Variants in FOXN3 observed in about 807,000 individuals in gnomAD.
FOXN3 encodes forkhead box protein N3.
FOXN3 carries 7 observed loss-of-function variants against 38.4 expected under a neutral mutation model. That is an observed-to-expected ratio of 0.18 (90% CI 0.10 to 0.34). FOXN3 has a LOEUF of 0.34. Ranked by LOEUF, FOXN3 falls within the 10% of genes least tolerant of loss-of-function variation. The pLI is 1.00. For missense variants in FOXN3, 456 were observed against 613.4 expected, an observed-to-expected ratio of 0.74 and a Z score of 2.71; for synonymous variants, 230 against 242.2, an observed-to-expected ratio of 0.95 and a Z score of 0.47.
At chr14:89,551,983 T>A (rs117520755) in intron 1 of FOXN3, among the ~76,000 whole-genome samples, 1 of 152,310 alleles carries the variant, frequency 6.6e-6, no homozygotes, top group Non-Finnish European at 1.5e-5. Flanking sequence ...ACTAGTCACC[T>A]AAGAAAAGGT....
chr14:89,292,109 C>T (rs542343280), intron 3 of FOXN3, among the ~76,000 whole-genome samples: 51 of 152,282 alleles, frequency 3.3e-4, no homozygotes, highest in South Asian at 1.2e-3. Flanking sequence ...CTTCCACCTC[C>T]GTTCGCTGGC....
chr14:89,579,621 A>C (rs1596323558), intron 1 of FOXN3, among the ~76,000 whole-genome samples: 1 of 151,654 alleles, frequency 6.6e-6, no homozygotes, highest in African/African-American at 2.4e-5. Context: ...CAACTCACCA[A>C]CCTCCAGCCA....
intron 1 of FOXN3, among the ~76,000 whole-genome samples, chr14:89,442,773 C>T (rs990792650): frequency 5.9e-5 from 9 of 151,626 alleles, no homozygotes; most frequent in Non-Finnish European, 1.0e-4. Context: ...GTATTTACTC[C>T]AACCAGCCAG....
intron 5 of FOXN3, among the ~76,000 whole-genome samples, chr14:89,178,046 C>T (rs935509501): frequency 1.3e-5 from 2 of 152,154 alleles, no homozygotes; most frequent in African/African-American, 4.8e-5. Context: ...CTCACTCTGT[C>T]ACCCAGGCTG....
intron 4 of FOXN3, among the ~76,000 whole-genome samples, chr14:89,200,277 C>T (rs1682203750): frequency 1.3e-5 from 2 of 152,204 alleles, no homozygotes; most frequent in Admixed American, 6.5e-5. Flanking sequence ...ATTCGGAATA[C>T]ATCTGTCCAA....
rs556597149 is a variant in FOXN3, at chr14:89,312,369, C to A, written c.681-31355G>T. On this transcript the variant is annotated intron_variant, in intron 3 of 5. Coordinates refer to ENST00000557258, the MANE Select transcript of FOXN3 (RefSeq NM_005197.4). Reference sequence around the variant, plus strand: ...AATACAGCTGGCCAATCCACACGGGCAAGGGTGTCAGCCTCAGCAATTGTA... The same window carrying A: ...AATACAGCTGGCCAATCCACACGGGAAAGGGTGTCAGCCTCAGCAATTGTA... Among the ~76,000 whole-genome samples the A allele has an allele frequency of 2.0e-4, 30 of 150,186 alleles. No homozygotes were observed. The South Asian group carries it at 5.7e-3, about 29-fold the overall frequency.
At chr14:89,505,322 C>CTCCCTCTGATGCG (rs1893894402) in intron 1 of FOXN3, among the ~76,000 whole-genome samples, 1 of 150,088 alleles carries the variant, frequency 6.7e-6, no homozygotes, top group African/African-American at 2.5e-5. Context: ...CCTCTGATGC[C>CTCCCTCTGATGCG]GAGCCGAGGC....
intron 2 of FOXN3, among the ~76,000 whole-genome samples, chr14:89,371,868 T>C (rs1056630528): frequency 2.0e-4 from 30 of 152,220 alleles, no homozygotes; most frequent in African/African-American, 7.2e-4. Flanking sequence ...AGCTACTTTC[T>C]CCTCTGGCAT....
intron 4 of FOXN3, among the ~76,000 whole-genome samples, chr14:89,206,579 C>G (rs1888391766): frequency 2.0e-5 from 3 of 152,184 alleles, no homozygotes; most frequent in African/African-American, 7.2e-5. Flanking sequence ...GAGAGGCGCT[C>G]TGCAGGCCCG....
intron 4 of FOXN3, among the ~76,000 whole-genome samples, chr14:89,194,840 T>C (rs556254268): frequency 2.0e-5 from 3 of 152,202 alleles, no homozygotes; most frequent in Admixed American, 1.3e-4. Context: ...TAAGCATATA[T>C]GTACATATTC....
chr14:89,234,369 G>A (rs903898937), intron 4 of FOXN3, among the ~76,000 whole-genome samples: 21 of 152,142 alleles, frequency 1.4e-4, no homozygotes, highest in African/African-American at 3.9e-4. Context: ...AAGCCTTGGC[G>A]TTCCAAGGCT....
intron 4 of FOXN3, among the ~76,000 whole-genome samples, chr14:89,246,104 G>A (rs538359292): frequency 4.0e-5 from 6 of 151,648 alleles, no homozygotes; most frequent in East Asian, 1.9e-4. Flanking sequence ...ACAACTCTGC[G>A]AAAAAAAACC....
chr14:89,320,016 A>G (rs1887852020), intron 3 of FOXN3, among the ~76,000 whole-genome samples: 1 of 152,260 alleles, frequency 6.6e-6, no homozygotes, highest in African/African-American at 2.4e-5. Context: ...GATCTGCTGC[A>G]GAATCAAACA....
chr14:89,567,986 T>C (rs1463898757), intron 1 of FOXN3, among the ~76,000 whole-genome samples: 2 of 152,064 alleles, frequency 1.3e-5, no homozygotes, highest in African/African-American at 4.8e-5. Context: ...CCTCCCAAAG[T>C]GCTAGGATTA....
intron 2 of FOXN3, among the ~76,000 whole-genome samples, chr14:89,371,088 T>A (rs1041688684): frequency 6.6e-6 from 1 of 152,194 alleles, no homozygotes; most frequent in African/African-American, 2.4e-5. Context: ...GTTTTGATTT[T>A]ATTTTTTTTA....
chr14:89,324,578 G>A (rs929267371), intron 3 of FOXN3, among the ~76,000 whole-genome samples: 1 of 151,902 alleles, frequency 6.6e-6, no homozygotes, highest in African/African-American at 2.4e-5. Context: ...AGAGAATATA[G>A]GAATACAGAG....
chr14:89,356,984 G>C (rs1283835612), intron 2 of FOXN3, among the ~76,000 whole-genome samples: 1 of 152,166 alleles, frequency 6.6e-6, no homozygotes, highest in Non-Finnish European at 1.5e-5. Context: ...CTGATATGAC[G>C]GTCCAGGACC....
chr14:89,291,710 A>T (rs1886878305), intron 3 of FOXN3: 1 of 379,854 alleles, frequency 2.6e-6, no homozygotes, highest in Non-Finnish European at 5.1e-6. Flanking sequence ...GTTTCATCAC[A>T]TTCCCCAAAG....
intron 1 of FOXN3, among the ~76,000 whole-genome samples, chr14:89,510,671 G>T (rs113769214): frequency 1.3e-5 from 2 of 152,250 alleles, no homozygotes; most frequent in Non-Finnish European, 2.9e-5. Flanking sequence ...GACTAGGCAC[G>T]GTGGCTCACA....
Sources: allele counts gnomAD v4.1 joint callset (sites outside exome capture counted in the v4.1 genomes callset), GRCh38; gene constraint gnomAD v4.1.1; transcripts MANE v1.5; gene names NCBI Gene and HGNC (gene_info 2026-07-23, HGNC 2026-07-21).